Variants in CYP7B1 observed in about 807,000 individuals in gnomAD.
CYP7B1 encodes cytochrome P450 family 7 subfamily B member 1, also known as cytochrome P450 7B1.
A neutral mutation model predicts 42.7 loss-of-function variants in CYP7B1; 29 were observed. That is an observed-to-expected ratio of 0.68 (90% confidence interval 0.51 to 0.93). The LOEUF is 0.93. Ranked by LOEUF, CYP7B1 falls within the 40% of genes least tolerant of loss-of-function variation. The pLI is 0.00. For missense variants in CYP7B1, 655 were observed against 600.5 expected (o/e 1.09, Z -0.95); for synonymous variants, 235 against 218.2 (o/e 1.08, Z -0.68).
intron 1 of CYP7B1, among the ~76,000 whole-genome samples, chr8:64,668,701 T>C (rs928672615): frequency 6.9e-6 from 1 of 145,496 alleles, no homozygotes; most frequent in Non-Finnish European, 1.5e-5. Context: ...AAAAAATCTC[T>C]ATTAAACTGA....
At chr8:64,634,142 G>A (rs1169931936) in intron 1 of CYP7B1, among the ~76,000 whole-genome samples, 1 of 152,216 alleles carries the variant, frequency 6.6e-6, no homozygotes, top group Non-Finnish European at 1.5e-5. Flanking sequence ...TTATTTTGTA[G>A]AATGGCCCTC....
At position 64,591,471 on chromosome 8, in the gene CYP7B1, A is replaced by G. The variant is rs1336746735; in HGVS notation, c.*5171T>C. ...TTCACATAATTATTGCCATTCTTTTATACTAGGATCAAACACTAGATAAAT... is the reference window on the plus strand; with the variant it reads ...TTCACATAATTATTGCCATTCTTTTGTACTAGGATCAAACACTAGATAAAT... On this transcript the variant is annotated 3_prime_UTR_variant, in exon 6 of 6. Transcript: ENST00000310193. Among the ~76,000 whole-genome samples the G allele has an allele frequency of 1.3e-5, 2 of 152,188 alleles. No homozygotes were observed. The highest frequency in any genetic ancestry group is 2.9e-5 in the Non-Finnish European group (2 of 68,008).
intron 1 of CYP7B1, among the ~76,000 whole-genome samples, chr8:64,770,471 G>T (rs1221034414): frequency 6.6e-6 from 1 of 152,072 alleles, no homozygotes; most frequent in East Asian, 1.9e-4. Flanking sequence ...TATATTCTCT[G>T]CCCTGTTATA....
In CYP7B1 at chr8:64,798,450, C is replaced by T. The variant is rs895937485; in HGVS notation, c.122+16G>A. ...GGCCCAGGGCGCATGCGTGGCCTGGCGGCCGAGGCGCTTACCTGGTGCGCC... is the reference window on the plus strand; with the variant it reads ...GGCCCAGGGCGCATGCGTGGCCTGGTGGCCGAGGCGCTTACCTGGTGCGCC... On this transcript the variant is annotated intron_variant, in intron 1 of 5. Coordinates refer to ENST00000310193, the MANE Select transcript of CYP7B1 (RefSeq NM_004820.5). 1 of 1,506,744 alleles carries T rather than the reference C, an allele frequency of 6.6e-7. No homozygotes were observed. Among genetic ancestry groups the T allele is most frequent in the African/African-American group, 1.4e-5 (1 of 69,606 alleles). 93.3% of individuals were successfully genotyped at this position (1,506,744 alleles called of 1,614,324 possible). A position where few individuals can be genotyped will look rare whatever the true frequency, so the allele number is the denominator to read the frequency against.
At chr8:64,748,907 G>A (rs371733488) in intron 1 of CYP7B1, among the ~76,000 whole-genome samples, 3 of 152,256 alleles carry the variant, frequency 2.0e-5, no homozygotes, top group South Asian at 2.1e-4. Flanking sequence ...TAGAGCTGTA[G>A]TCTACAGCTA....
intron 1 of CYP7B1, among the ~76,000 whole-genome samples, chr8:64,643,146 C>CACATATATACAT (rs1805888839): frequency 3.6e-5 from 1 of 28,052 alleles, no homozygotes; most frequent in Non-Finnish European, 7.3e-5. Flanking sequence ...TACATATATA[C>CACATATATACAT]ATATATACAT....
At chr8:64,746,005 G>C (rs1387604774) in intron 1 of CYP7B1, among the ~76,000 whole-genome samples, 1 of 151,906 alleles carries the variant, frequency 6.6e-6, no homozygotes, top group African/African-American at 2.4e-5. Flanking sequence ...ACCATTCAAT[G>C]CATGTTTTTT....
chr8:64,718,569 C>G (rs986463091), intron 1 of CYP7B1, among the ~76,000 whole-genome samples: 8 of 152,232 alleles, frequency 5.3e-5, no homozygotes, highest in African/African-American at 1.7e-4. Flanking sequence ...AAGTCCCCTT[C>G]TGGGGCATAC....
intron 1 of CYP7B1, among the ~76,000 whole-genome samples, chr8:64,776,744 G>C (rs1251147752): frequency 6.6e-6 from 1 of 152,076 alleles, no homozygotes; most frequent in African/African-American, 2.4e-5. Flanking sequence ...CAGGTCGTAA[G>C]ACCTAGCTGC....
chr8:64,654,008 T>C (rs1214211952), intron 1 of CYP7B1, among the ~76,000 whole-genome samples: 2 of 152,084 alleles, frequency 1.3e-5, no homozygotes, highest in Non-Finnish European at 2.9e-5. Flanking sequence ...ATAGATATTG[T>C]AGAAACACAA....
intron 1 of CYP7B1, among the ~76,000 whole-genome samples, chr8:64,664,585 G>A (rs1806247622): frequency 6.6e-6 from 1 of 152,144 alleles, no homozygotes; most frequent in Admixed American, 6.5e-5. Flanking sequence ...CTGGGGTTCA[G>A]GTTCCCAGTC....
At position 64,596,727 on chromosome 8, in the gene CYP7B1, G is replaced by C; in HGVS notation, c.1436C>G (p.Pro479Arg). Residue 479 changes from proline to arginine, a missense_variant, in exon 6 of 6, where the codon CCC (proline) becomes CGC (arginine). Coordinates refer to ENST00000310193, the MANE Select transcript of CYP7B1 (RefSeq NM_004820.5). Reference sequence around the variant, plus strand: ...CAAGCGGCTGTAGTTTAGTCCTATGGGCTTATCATCAATTATTTCTAAATC... The same window carrying C: ...CAAGCGGCTGTAGTTTAGTCCTATGCGCTTATCATCAATTATTTCTAAATC... ...YFDLEIIDDK[P>R]IGLNYSRLLF... The C allele has an allele frequency of 3.1e-6, 5 of 1,613,532 alleles. No individual in the cohort carries two copies. Among genetic ancestry groups the C allele is most frequent in the Non-Finnish European group, 4.2e-6 (5 of 1,179,716 alleles).
chr8:64,616,130 C>T lies in CYP7B1; in HGVS notation c.411G>A (p.Glu137=), dbSNP rs1409291081. 6.2e-7 allele frequency: 1 copy of T among 1,613,594 alleles called. No homozygotes were observed. The highest frequency in any genetic ancestry group is 2.2e-5 in the East Asian group (1 of 44,848). ...GCAAAAATTGATAGCAGAGGTGAAG[C>T]TCATCATTCATGTCATGATTTTTTT... The part of the protein sequence containing the change: ...QLQKNHDMND[E]LHLCYQFLQG... Residue 137 remains glutamate (E), a synonymous_variant, in exon 3 of 6, where the codon GAG becomes GAA. Coordinates refer to ENST00000310193, the MANE Select transcript of CYP7B1 (RefSeq NM_004820.5).
intron 1 of CYP7B1, among the ~76,000 whole-genome samples, chr8:64,778,174 A>AATAT (rs60859854): frequency 0.047 from 6,297 of 133,082 alleles, 199 homozygotes; most frequent in Middle Eastern, 0.089. Context: ...ACTAGTTTGA[A>AATAT]ATATATATAT....
intron 1 of CYP7B1, among the ~76,000 whole-genome samples, chr8:64,730,990 C>T (rs1447329026): frequency 1.3e-5 from 2 of 152,192 alleles, no homozygotes; most frequent in Admixed American, 6.5e-5. Context: ...CTCTGCACTT[C>T]TCCTTCCTGC....
In CYP7B1 at chr8:64,595,664, CATATGA is replaced by C. The variant is rs1479813221; in HGVS notation, c.*972_*977del. Among the ~76,000 whole-genome samples, 1 of 152,180 alleles carries C rather than the reference CATATGA, an allele frequency of 6.6e-6. No homozygotes were observed. The highest frequency in any genetic ancestry group is 1.5e-5 in the Non-Finnish European group (1 of 68,036). ...ATTATTGACACAATGCTGCATGTGTCATATGAAATTACACTGCATTACATGATGTTG... is the reference window on the plus strand; with the variant it reads ...ATTATTGACACAATGCTGCATGTGTCAATTACACTGCATTACATGATGTTG... On this transcript the variant is annotated 3_prime_UTR_variant, in exon 6 of 6. Transcript: ENST00000310193.
At chr8:64,620,800 T>C (rs929177706) in intron 2 of CYP7B1, among the ~76,000 whole-genome samples, 1 of 152,230 alleles carries the variant, frequency 6.6e-6, no homozygotes, top group Non-Finnish European at 1.5e-5. Flanking sequence ...TAACTGGTTG[T>C]CTACTGTTGA....
intron 1 of CYP7B1, among the ~76,000 whole-genome samples, chr8:64,685,590 G>A (rs1483226383): frequency 3.6e-5 from 1 of 27,526 alleles, no homozygotes; most frequent in Admixed American, 3.1e-4. Flanking sequence ...GTCTCTGCCC[G>A]GCCGCCCCGT....
chr8:64,647,777 G>T lies in CYP7B1; in HGVS notation c.123-23238C>A, dbSNP rs994091155. Among the ~76,000 whole-genome samples the T allele has an allele frequency of 2.6e-5, 4 of 152,062 alleles. No individual in the cohort carries two copies. In the South Asian group the frequency reaches 8.3e-4, roughly 32 times the overall value. ...TACCGGATGATGCCCTCCCGCAGTG[G>T]GGAGGGCAGTCTACTCTACTGAGTC... On this transcript the variant is annotated intron_variant, in intron 1 of 5. Coordinates refer to ENST00000310193, the MANE Select transcript of CYP7B1 (RefSeq NM_004820.5).
Sources: gnomAD v4.1 joint callset for allele counts (sites outside exome capture counted in the v4.1 genomes callset) on GRCh38, gnomAD v4.1.1 for gene constraint, MANE v1.5 for transcripts, NCBI Gene and HGNC (gene_info 2026-07-23, HGNC 2026-07-21) for gene names.